POC1B: variants seen among roughly 807,000 people sequenced by gnomAD.
The protein encoded by POC1B is POC1 centriolar protein homolog B.
A neutral mutation model predicts 60.6 loss-of-function variants in POC1B; 44 were observed. The ratio of observed to expected loss-of-function variants is 0.73; its 90% CI spans 0.57 to 0.93. POC1B has a LOEUF of 0.93. POC1B is among the 40% of genes least tolerant of loss of function. The probability of loss-of-function intolerance (pLI) is 0.00; values close to 1 mark genes in which losing one functional copy is unlikely to be tolerated. For missense variants in POC1B, 555 were observed against 572.3 expected, an observed-to-expected ratio of 0.97 and a Z score of 0.31; for synonymous variants, 180 against 198.9, an observed-to-expected ratio of 0.90 and a Z score of 0.80.
intron 1 of POC1B, chr12:89,525,487 C>G (rs1437320440): frequency 8.3e-6 from 11 of 1,322,782 alleles, no homozygotes; most frequent in Non-Finnish European, 9.6e-6. Context: ...TTGAAATGCA[C>G]GTTCCCGGGC....
Position 89,525,209 on chromosome 12 carries a change from A to G in POC1B, c.16-5T>C. On this transcript the variant is annotated splice_region_variant and splice_polypyrimidine_tract_variant and intron_variant, in intron 1 of 11. Coordinates refer to ENST00000313546, the MANE Select transcript of POC1B (RefSeq NM_172240.3). ...ACGCTCCAGAACGGGGTCCTCCTGG[A>G]AAGGAAAGTTGTCAAGTTTTGAAAG... 1 of 1,605,858 alleles carries G rather than the reference A, an allele frequency of 6.2e-7. No homozygotes were observed. The highest frequency in any genetic ancestry group is 8.5e-7 in the Non-Finnish European group (1 of 1,176,188).
chr12:89,498,133 A>G (rs1385744866), intron 2 of POC1B, among the ~76,000 whole-genome samples: 1 of 152,220 alleles, frequency 6.6e-6, no homozygotes, highest in Non-Finnish European at 1.5e-5. Context: ...TATTTTATCA[A>G]CTGATCCAAT....
intron 2 of POC1B, chr12:89,523,734 C>T (rs1871141623): frequency 6.5e-7 from 1 of 1,547,710 alleles, no homozygotes; most frequent in Non-Finnish European, 8.7e-7. Flanking sequence ...CAATCATGGG[C>T]TCCCCTATCT....
rs750926271 is a variant in POC1B at position 89,525,167 on chromosome 12, T to G, written c.53A>C (p.Lys18Thr). The G allele has an allele frequency of 6.2e-7, 1 of 1,613,816 alleles. No individual in the cohort carries two copies. The highest frequency in any genetic ancestry group is 1.1e-5 in the South Asian group (1 of 91,086). The change falls in exon 2 of 12, where the codon AAA becomes ACA. Residue 18 changes from lysine to threonine, a missense_variant. Physicochemically the swap from Lys to Thr is moderately conservative, Grantham distance 78. Transcript: ENST00000313546. ...PVLERYFKGH[K>T]AAITSLDLSP... is the part of the protein sequence containing the mutation. Reference sequence around the variant, plus strand: ...GAGGTCCAAGGAGGTGATCGCAGCTTTGTGGCCTTTGAAATAACGCTCCAG... The same window carrying G: ...GAGGTCCAAGGAGGTGATCGCAGCTGTGTGGCCTTTGAAATAACGCTCCAG...
At chr12:89,450,538 G>C (rs1444600953) in intron 10 of POC1B, among the ~76,000 whole-genome samples, 1 of 151,844 alleles carries the variant, frequency 6.6e-6, no homozygotes, top group Non-Finnish European at 1.5e-5. Context: ...AATTACCTAA[G>C]GATCAATTTT....
intron 9 of POC1B, among the ~76,000 whole-genome samples, chr12:89,463,782 A>G (rs994833862): frequency 2.6e-5 from 4 of 152,132 alleles, no homozygotes; most frequent in African/African-American, 9.7e-5. Flanking sequence ...ATTTATTTTA[A>G]AAGTAATATG....
chr12:89,501,888 A>C, intron 2 of POC1B: 1 of 1,185,438 alleles, frequency 8.4e-7, no homozygotes, highest in East Asian at 2.3e-5. Context: ...AGAAGTTTTT[A>C]AATGCTAAAG....
Position 89,466,927 on chromosome 12 carries a change from G to T in POC1B, c.880-5C>A, listed in dbSNP as rs959648237. The T allele has an allele frequency of 7.5e-6, 12 of 1,602,514 alleles. No homozygotes were observed. The highest frequency in any genetic ancestry group is 1.7e-5 in the Admixed American group (1 of 58,490). ...GTTAGTCCTCCATAATAAGACCTAT[G>T]AAAAAAGTCAATGATGTTGGCAGTT... On this transcript the variant is annotated splice_region_variant and splice_polypyrimidine_tract_variant and intron_variant, in intron 8 of 11. Coordinates refer to ENST00000313546, the MANE Select transcript of POC1B (RefSeq NM_172240.3).
intron 1 of POC1B, chr12:89,525,575 A>G (rs1261263180): frequency 2.4e-6 from 3 of 1,276,164 alleles, no homozygotes; most frequent in Admixed American, 3.8e-5. Context: ...AATACTTCCT[A>G]GGTGATTCTG....
chr12:89,492,244 A>G, intron 3 of POC1B, 129 bp from the exon 4 acceptor site: 1 of 706,454 alleles, frequency 1.4e-6, no homozygotes, highest in South Asian at 3.4e-5. Context: ...AAACCTAACA[A>G]AAGTATGAAA....
At chr12:89,522,106 G>A in intron 2 of POC1B, 1 of 398,994 alleles carries the variant, frequency 2.5e-6, no homozygotes, top group Non-Finnish European at 4.4e-6. Context: ...AGAGGAATCT[G>A]AGGTATTAAT....
chr12:89,504,475 C>T (rs551113296), intron 2 of POC1B, among the ~76,000 whole-genome samples: 10 of 152,168 alleles, frequency 6.6e-5, no homozygotes, highest in East Asian at 5.8e-4. Context: ...TGCGGAAGGC[C>T]GCAGGGTCCT....
At chr12:89,434,731 C>T (rs1881180189) in intron 10 of POC1B, among the ~76,000 whole-genome samples, 2 of 152,196 alleles carry the variant, frequency 1.3e-5, no homozygotes, top group Admixed American at 6.5e-5. Flanking sequence ...CTTTGAAGGG[C>T]ATTCAGAGTA....
In POC1B at chr12:89,486,447, G is replaced by C. The variant is rs374174958; in HGVS notation, c.452+5489C>G. The stretch of plus-strand genomic sequence containing the variant: ...ATATGGAAAGGCACAAGGCAAAAAG[G>C]GTCATTCACACTTGAGGAGACTTGT... On this transcript the variant is annotated intron_variant, in intron 4 of 11. Transcript: ENST00000313546. Among the ~76,000 whole-genome samples, 50 of 152,110 alleles carry C rather than the reference G, an allele frequency of 3.3e-4. 1 individual carries two copies. The highest frequency in any genetic ancestry group is 5.9e-4 in the Non-Finnish European group (40 of 68,014).
intron 2 of POC1B, chr12:89,522,077 G>A (rs1870931089): frequency 2.5e-6 from 1 of 399,018 alleles, no homozygotes; most frequent in Non-Finnish European, 4.4e-6. Flanking sequence ...CGTTCACAGA[G>A]AAGACAGCTT....
At chr12:89,447,366 A>G (rs1881833380) in intron 10 of POC1B, among the ~76,000 whole-genome samples, 1 of 152,174 alleles carries the variant, frequency 6.6e-6, no homozygotes, top group Admixed American at 6.5e-5. Context: ...TGATTTCTAG[A>G]AAAGGAAAGA....
chr12:89,449,829 TCAAGAACAGAG>T (rs1881967530), intron 10 of POC1B, among the ~76,000 whole-genome samples: 1 of 151,830 alleles, frequency 6.6e-6, no homozygotes, highest in Admixed American at 6.6e-5. Flanking sequence ...AACAAATAGA[TCAAGAACAGAG>T]CAATAAGACA....
chr12:89,468,124 T>C (rs1386889724), intron 7 of POC1B, among the ~76,000 whole-genome samples: 4 of 152,194 alleles, frequency 2.6e-5, no homozygotes, highest in Admixed American at 6.5e-5. Flanking sequence ...TCCCCCTTCA[T>C]GTAGGCAACC....
intron 4 of POC1B, among the ~76,000 whole-genome samples, chr12:89,474,194 A>C (rs1408170165): frequency 1.3e-5 from 2 of 152,020 alleles, no homozygotes; most frequent in East Asian, 3.9e-4. Flanking sequence ...TTACAGAGTA[A>C]GACTCTGTCT....
Sources: gnomAD v4.1 joint callset for allele counts (sites outside exome capture counted in the v4.1 genomes callset) on GRCh38, gnomAD v4.1.1 for gene constraint, MANE v1.5 for transcripts, NCBI Gene and HGNC (gene_info 2026-07-23, HGNC 2026-07-21) for gene names.